Variants in KLF8 observed in about 807,000 individuals in gnomAD.
The protein encoded by KLF8 is Krueppel-like factor 8.
A neutral mutation model predicts 18.2 loss-of-function variants in KLF8; 10 were observed. That is an observed-to-expected ratio of 0.55 (90% CI 0.34 to 0.93). KLF8 has a LOEUF of 0.93. Ranked by LOEUF, KLF8 falls within the 40% of genes least tolerant of loss-of-function variation. KLF8 has a pLI of 0.02. For missense variants in KLF8, 264 were observed against 277.9 expected (o/e 0.95, Z 0.36); for synonymous variants, 109 against 97.3 (o/e 1.12, Z -0.71).
At chrX:55,963,839 A>G in the KLF8 span, among the ~76,000 whole-genome samples, 1 of 112,340 alleles carries the variant, frequency 8.9e-6, no homozygotes, top group African/African-American at 3.2e-5. Context: ...TGCACATGAC[A>G]CATACTCTAA....
At chrX:56,282,667 T>A (rs1196422673) in intron 5 of KLF8, among the ~76,000 whole-genome samples, 1 of 111,231 alleles carries the variant, frequency 9.0e-6, no homozygotes, top group Non-Finnish European at 1.9e-5. Context: ...TTACAGGGAG[T>A]AAAGGGGAAA....
At chrX:56,144,627 C>T in the KLF8 span, among the ~76,000 whole-genome samples, 1 of 105,414 alleles carries the variant, frequency 9.5e-6, no homozygotes, top group Non-Finnish European at 1.9e-5. Context: ...GTGGCGGGAG[C>T]CTGTAATCCC....
At chrX:56,075,555 A>G in the KLF8 span, among the ~76,000 whole-genome samples, 8 of 111,638 alleles carry the variant, frequency 7.2e-5, no homozygotes, top group African/African-American at 2.6e-4. Context: ...TAAAATATAC[A>G]ATGTAATTAT....
At chrX:56,059,812 C>T in the KLF8 span, among the ~76,000 whole-genome samples, 1 of 111,338 alleles carries the variant, frequency 9.0e-6, no homozygotes, top group Non-Finnish European at 1.9e-5. Flanking sequence ...TATTTTTTTG[C>T]TTAGGATTGT....
chrX:55,964,993 T>C, the KLF8 span, among the ~76,000 whole-genome samples: 1 of 111,766 alleles, frequency 8.9e-6, no homozygotes, highest in South Asian at 3.7e-4. Flanking sequence ...AAAGACCTGG[T>C]ACCAATCCTA....
chrX:56,054,586 T>G, the KLF8 span, among the ~76,000 whole-genome samples: 2 of 111,965 alleles, frequency 1.8e-5, no homozygotes, highest in Non-Finnish European at 1.9e-5. Flanking sequence ...GAGAGTTTTG[T>G]TGATATCTAT....
At chrX:56,066,309 C>T in the KLF8 span, among the ~76,000 whole-genome samples, 1 of 112,020 alleles carries the variant, frequency 8.9e-6, no homozygotes, top group South Asian at 3.7e-4. Flanking sequence ...ATTCCCAGGC[C>T]CCCAGATGTT....
the KLF8 span, among the ~76,000 whole-genome samples, chrX:56,030,639 C>T: frequency 5.5e-5 from 6 of 109,021 alleles, no homozygotes; most frequent in African/African-American, 1.0e-4. Context: ...GGGCTGTAAG[C>T]GAGCCACCAA....
At chrX:55,947,672 G>A in the KLF8 span, among the ~76,000 whole-genome samples, 2 of 110,957 alleles carry the variant, frequency 1.8e-5, no homozygotes, top group Non-Finnish European at 3.8e-5. Context: ...TTGAGTGTTG[G>A]GGATCAGAGC....
chrX:56,154,503 T>A, the KLF8 span, among the ~76,000 whole-genome samples: 11,828 of 111,139 alleles, frequency 0.11, 1,105 homozygotes, highest in African/African-American at 0.3. Context: ...TAAAAACCCT[T>A]GAAGAAAACC....
chrX:55,953,556 T>G, the KLF8 span, among the ~76,000 whole-genome samples: 1 of 110,921 alleles, frequency 9.0e-6, no homozygotes, highest in Non-Finnish European at 1.9e-5. Flanking sequence ...AGGGGAATCA[T>G]GTTTCCCAAT....
chrX:56,110,868 T>A, the KLF8 span, among the ~76,000 whole-genome samples: 45 of 111,948 alleles, frequency 4.0e-4, no homozygotes, highest in Non-Finnish European at 5.6e-5. Context: ...ATTACTAACC[T>A]AATATTAATA....
chrX:55,916,775 T>C, the KLF8 span, among the ~76,000 whole-genome samples: 1 of 112,171 alleles, frequency 8.9e-6, no homozygotes, highest in Non-Finnish European at 1.9e-5. Flanking sequence ...CCAGGAACTT[T>C]CCAAGGTTTA....
chrX:56,136,945 T>C, the KLF8 span, among the ~76,000 whole-genome samples: 1 of 110,897 alleles, frequency 9.0e-6, no homozygotes, highest in Non-Finnish European at 1.9e-5. Flanking sequence ...GTGGGCAAAG[T>C]ACATGAACAG....
chrX:56,253,764 C>CTTTCTTTTTTTT (rs1555930256), intron 2 of KLF8, among the ~76,000 whole-genome samples: 1 of 60,115 alleles, frequency 1.7e-5, no homozygotes, highest in Non-Finnish European at 3.0e-5. Flanking sequence ...TTTTCTTTTT[C>CTTTCTTTTTTTT]TTTTTTTTTT....
chrX:55,928,874 G>T, the KLF8 span, among the ~76,000 whole-genome samples: 1 of 111,950 alleles, frequency 8.9e-6, no homozygotes. Flanking sequence ...GTAATCTTTT[G>T]GGTCTATACC....
the KLF8 span, among the ~76,000 whole-genome samples, chrX:56,070,446 G>A: frequency 1.8e-5 from 2 of 108,985 alleles, no homozygotes; most frequent in African/African-American, 6.7e-5. Context: ...GAGAGAGAGA[G>A]TGTGGTACAT....
At chrX:55,996,985 A>C in the KLF8 span, among the ~76,000 whole-genome samples, 1 of 112,024 alleles carries the variant, frequency 8.9e-6, no homozygotes, top group African/African-American at 3.2e-5. Flanking sequence ...AGGTCTGTGT[A>C]CATGCACTCA....
At chrX:56,160,920 G>T in the KLF8 span, among the ~76,000 whole-genome samples, 7 of 111,192 alleles carry the variant, frequency 6.3e-5, no homozygotes, top group African/African-American at 2.3e-4. Context: ...GTGTGAATTT[G>T]ATCCTGTCAT....
Sources: gnomAD v4.1 joint callset for allele counts (sites outside exome capture counted in the v4.1 genomes callset) on GRCh38, gnomAD v4.1.1 for gene constraint, MANE v1.5 for transcripts, NCBI Gene and HGNC (gene_info 2026-07-23, HGNC 2026-07-21) for gene names.